Variants in VIRMA observed in about 807,000 individuals in gnomAD.
The protein encoded by VIRMA is protein virilizer homolog.
A neutral mutation model predicts 182.4 loss-of-function variants in VIRMA; 65 were observed. The ratio of observed to expected loss-of-function variants is 0.36; its 90% confidence interval spans 0.29 to 0.44. The LOEUF is 0.44. Ranked by LOEUF, VIRMA falls within the 20% of genes least tolerant of loss-of-function variation. The probability of loss-of-function intolerance (pLI) is 1.00; values close to 1 mark genes in which losing one functional copy is unlikely to be tolerated. For missense variants in VIRMA, 1,752 were observed against 2,158.1 expected (o/e 0.81, Z 3.73); for synonymous variants, 709 against 743.1 (o/e 0.95, Z 0.75).
intron 5 of VIRMA, among the ~76,000 whole-genome samples, chr8:94,533,454 G>A (rs529898910): frequency 5.5e-4 from 84 of 152,040 alleles, no homozygotes; most frequent in Middle Eastern, 3.4e-3. Context: ...GTGGGTTTCT[G>A]TTTTTGAGAC....
chr8:94,511,099 G>A, intron 13 of VIRMA, 86 bp downstream of exon 13: 2 of 1,517,364 alleles, frequency 1.3e-6, no homozygotes, highest in East Asian at 2.4e-5. Flanking sequence ...GGGAGATGAG[G>A]GTTTTTGTTT....
At position 94,513,671 on chromosome 8, in the gene VIRMA, A is replaced by C. The variant is rs562053506; in HGVS notation, c.2751+1198T>G. Among the ~76,000 whole-genome samples, 9 of 152,302 alleles carry C rather than the reference A, an allele frequency of 5.9e-5. No individual in the cohort carries two copies. The East Asian group carries it at 1.7e-3, about 29-fold the overall frequency. On this transcript the variant is annotated intron_variant, in intron 11 of 23. Transcript: ENST00000297591. ...ATGTAATTCACATTTCTAGAACTAA[A>C]TTTCTTACTGATTAAATAATTTTAC...
intron 4 of VIRMA, among the ~76,000 whole-genome samples, chr8:94,535,452 A>G (rs562240228): frequency 6.6e-6 from 1 of 152,332 alleles, no homozygotes; most frequent in East Asian, 1.9e-4. Context: ...AAATTCATAC[A>G]TGCAGGTATA....
At chr8:94,495,586 A>C in intron 19 of VIRMA, 145 bp downstream of exon 19, 1 of 490,900 alleles carries the variant, frequency 2.0e-6, no homozygotes. Context: ...CTAAAGAAGA[A>C]TACACAACAG....
At chr8:94,512,153 C>T in intron 11 of VIRMA, 64 bp from the exon 12 acceptor site, 1 of 682,258 alleles carries the variant, frequency 1.5e-6, no homozygotes, top group Non-Finnish European at 2.2e-6. Flanking sequence ...ACAGAAAATT[C>T]CAGACAAGGA....
At position 94,494,846 on chromosome 8, in the gene VIRMA, GTAA is replaced by G; in HGVS notation, c.4641+11_4641+13del. On this transcript the variant is annotated intron_variant, in intron 20 of 23. Transcript: ENST00000297591. Reference sequence around the variant, plus strand: ...ACAATAACGTTTTTCTAAATATTTAGTAATAATTTATACCAAATCCAGATCTGT... The same window carrying G: ...ACAATAACGTTTTTCTAAATATTTAGTAATTTATACCAAATCCAGATCTGT... The G allele has an allele frequency of 7.4e-7, 1 of 1,356,102 alleles. No homozygotes were observed. Among genetic ancestry groups the G allele is most frequent in the Non-Finnish European group, 1.0e-6 (1 of 963,740 alleles). 84.0% of individuals were successfully genotyped at this position (1,356,102 alleles called of 1,614,324 possible). A position where few individuals can be genotyped will look rare whatever the true frequency, so the allele number is the denominator to read the frequency against.
rs150645423 is a variant in VIRMA, at chr8:94,538,285, C to T, written c.241G>A (p.Ala81Thr). The change falls in exon 3 of 24, where the codon GCC becomes ACC. Residue 81 changes from alanine (A) to threonine (T), a missense_variant. By Grantham distance (58) the Ala-to-Thr change is moderately conservative. Coordinates refer to ENST00000297591, the MANE Select transcript of VIRMA (RefSeq NM_015496.5). ...LFFNNVSKPS[A>T]PVFDRLGSLE... is the part of the protein sequence containing the mutation. The stretch of plus-strand genomic sequence containing the variant: ...CTTCCCAACCTATCGAAAACAGGGG[C>T]ACTTGGTTTGCTTACATTGTTGAAG... The T allele has an allele frequency of 2.1e-4, 332 of 1,613,204 alleles. No individual in the cohort carries two copies. Among genetic ancestry groups the T allele is most frequent in the Non-Finnish European group, 2.6e-4 (302 of 1,179,282 alleles).
intron 9 of VIRMA, among the ~76,000 whole-genome samples, chr8:94,518,661 A>C (rs755113239): frequency 1.1e-4 from 17 of 152,252 alleles, no homozygotes; most frequent in Admixed American, 4.6e-4. Flanking sequence ...TGTAAGAGGA[A>C]TAAAAGGAAT....
chr8:94,503,632 TGTTA>T, intron 16 of VIRMA, among the ~76,000 whole-genome samples: 1 of 152,176 alleles, frequency 6.6e-6, no homozygotes, highest in East Asian at 1.9e-4. Flanking sequence ...AAAATCTGTA[TGTTA>T]GTTAATAGTA....
At position 94,492,674 on chromosome 8, in the gene VIRMA, G is replaced by A; in HGVS notation, c.4786C>T (p.His1596Tyr). ...TACCTTGACGTTATAAAGGTCTCAT[G>A]CTTGTGCTTCCCAAGTTTGAATCCT... Reference protein sequence around the residue: ...TKGFKLGKHKHETFITSSGKS... With the variant: ...TKGFKLGKHKYETFITSSGKS... The change falls in exon 21 of 24, where the codon CAT (histidine) becomes TAT (tyrosine). Residue 1596 changes from histidine (H) to tyrosine (Y), a missense_variant. By Grantham distance (83) the His-to-Tyr change is moderately conservative (BLOSUM62 2). This residue lies in a region of VIRMA where 27 missense variants were observed against 60.8 expected (regional missense o/e 0.44). Transcript: ENST00000297591. The A allele has an allele frequency of 6.2e-7, 1 of 1,613,770 alleles. No homozygotes were observed. Among genetic ancestry groups the A allele is most frequent in the Non-Finnish European group, 8.5e-7 (1 of 1,179,784 alleles).
At chr8:94,531,237 T>C in intron 5 of VIRMA, 152 bp from the exon 6 acceptor site, 1 of 838,148 alleles carries the variant, frequency 1.2e-6, no homozygotes, top group Non-Finnish European at 1.7e-6. Flanking sequence ...AAAATCTGCA[T>C]ATATATAATG....
At chr8:94,535,744 C>T (rs1231199133) in intron 4 of VIRMA, among the ~76,000 whole-genome samples, 1 of 150,312 alleles carries the variant, frequency 6.7e-6, no homozygotes, top group Non-Finnish European at 1.5e-5. Context: ...TGCGCCACTG[C>T]ACACTCTAGC....
chr8:94,495,010 T>A, intron 19 of VIRMA, 54 bp from the exon 20 acceptor site: 1 of 811,424 alleles, frequency 1.2e-6, no homozygotes, highest in Non-Finnish European at 1.8e-6. Flanking sequence ...CAAATTTCAA[T>A]TTTTTTTTTT....
chr8:94,499,144 T>A (rs1199388559), intron 17 of VIRMA: 1 of 302,624 alleles, frequency 3.3e-6, no homozygotes, highest in Non-Finnish European at 6.0e-6. Flanking sequence ...ATTTAATATA[T>A]AAAGTGATTT....
chr8:94,507,486 G>A (rs1304458582), intron 15 of VIRMA, among the ~76,000 whole-genome samples: 2 of 151,662 alleles, frequency 1.3e-5, no homozygotes, highest in Admixed American at 1.3e-4. Flanking sequence ...TCGGCACAGT[G>A]GCTCACACCT....
At chr8:94,512,334 C>T (rs1171022880) in intron 11 of VIRMA, 3 of 200,942 alleles carry the variant, frequency 1.5e-5, no homozygotes. Flanking sequence ...AACTGTAATG[C>T]ACAAATTCAC....
At chr8:94,510,009 T>C in intron 14 of VIRMA, 69 bp from the exon 15 acceptor site, 1 of 1,366,384 alleles carries the variant, frequency 7.3e-7, no homozygotes, top group Non-Finnish European at 1.0e-6. Flanking sequence ...CTAGTATTTA[T>C]TTCTCAATAC....
At chr8:94,521,439 C>G (rs975904965) in intron 8 of VIRMA, among the ~76,000 whole-genome samples, 5 of 152,004 alleles carry the variant, frequency 3.3e-5, no homozygotes, top group Admixed American at 2.6e-4. Flanking sequence ...GAAAAAAGAA[C>G]CAAAACATCG....
Position 94,514,883 on chromosome 8 carries a change from C to A in VIRMA, c.2737G>T (p.Glu913Ter). 6.3e-7 allele frequency: 1 copy of A among 1,577,410 alleles called. No homozygotes were observed. Among genetic ancestry groups the A allele is most frequent in the Non-Finnish European group, 8.7e-7 (1 of 1,154,294 alleles). Residue 913 changes from glutamate (E) to a stop codon, truncating the protein, a stop_gained, in exon 11 of 24, where the codon GAG becomes TAG. Coordinates refer to ENST00000297591, the MANE Select transcript of VIRMA (RefSeq NM_015496.5). LOFTEE classifies it high-confidence loss of function. ...TTTACACTTACCTGCTTAACATACTCAATTAAGTTTGGGATGCAGTTAATT... is the reference window on the plus strand; with the variant it reads ...TTTACACTTACCTGCTTAACATACTAAATTAAGTTTGGGATGCAGTTAATT... ...FEINCIPNLI[E>*]YVKQNIDNLM...
Sources: gnomAD v4.1 joint callset for allele counts (sites outside exome capture counted in the v4.1 genomes callset) on GRCh38, gnomAD v4.1.1 for gene constraint, gnomAD v4.1.1 regional missense constraint, MANE v1.5 for transcripts, NCBI Gene and HGNC (gene_info 2026-07-23, HGNC 2026-07-21) for gene names.